CTNNA2: variants seen among roughly 807,000 people sequenced by gnomAD.
CTNNA2 encodes catenin alpha-2.
CTNNA2 carries 42 observed loss-of-function variants against 101.0 expected under a neutral mutation model. The ratio of observed to expected loss-of-function variants is 0.42; its 90% confidence interval spans 0.32 to 0.54. CTNNA2 has a LOEUF of 0.54. CTNNA2 is among the 20% of genes least tolerant of loss of function. The pLI, the probability that CTNNA2 is intolerant of heterozygous loss-of-function variation, is 0.14. For missense variants in CTNNA2, 871 were observed against 1,223.1 expected (o/e 0.71, Z 4.29); for synonymous variants, 450 against 456.4 (o/e 0.99, Z 0.18).
chr2:79,847,044 T>G (rs1473352169), intron 3 of CTNNA2, among the ~76,000 whole-genome samples: 1 of 152,224 alleles, frequency 6.6e-6, no homozygotes, highest in African/African-American at 2.4e-5. Context: ...TTGCTCATTT[T>G]TTAATGTCAG....
intron 2 of CTNNA2, among the ~76,000 whole-genome samples, chr2:79,224,844 G>A (rs535920351): frequency 4.5e-4 from 68 of 150,150 alleles, no homozygotes; most frequent in African/African-American, 9.7e-4. Flanking sequence ...GACTGTTCTC[G>A]GGCTGTATAT....
intron 9 of CTNNA2, among the ~76,000 whole-genome samples, chr2:80,463,878 T>G (rs1684651785): frequency 6.6e-6 from 1 of 152,182 alleles, no homozygotes. Context: ...TTTTACCCAC[T>G]GTCTCAAAGT....
intron 1 of CTNNA2, among the ~76,000 whole-genome samples, chr2:79,190,301 T>G (rs1218902720): frequency 6.6e-6 from 1 of 152,002 alleles, no homozygotes. Flanking sequence ...AGAGGGGAGA[T>G]TATAGGCAGA....
intron 4 of CTNNA2, among the ~76,000 whole-genome samples, chr2:79,476,781 C>G (rs946760241): frequency 3.3e-5 from 5 of 152,166 alleles, no homozygotes; most frequent in African/African-American, 1.2e-4. Flanking sequence ...TTGCTAGCCA[C>G]TCGGTCTCTC....
intron 18 of CTNNA2, among the ~76,000 whole-genome samples, chr2:80,630,672 A>C (rs186124787): frequency 6.6e-6 from 1 of 152,100 alleles, no homozygotes; most frequent in Non-Finnish European, 1.5e-5. Context: ...TTAAAATAAA[A>C]TTTTTACATG....
chr2:80,343,549 G>A (rs959751753), intron 7 of CTNNA2, among the ~76,000 whole-genome samples: 8 of 151,772 alleles, frequency 5.3e-5, no homozygotes, highest in South Asian at 2.1e-4. Flanking sequence ...TGTTTTTATC[G>A]ACTGCCAAGA....
At chr2:80,624,907 T>C (rs1482451418) in intron 18 of CTNNA2, among the ~76,000 whole-genome samples, 1 of 151,914 alleles carries the variant, frequency 6.6e-6, no homozygotes, top group Non-Finnish European at 1.5e-5. Context: ...CTTACAGATA[T>C]CTCTTGCCAA....
Position 80,393,819 on chromosome 2 carries a change from C to T in CTNNA2, c.1137+528C>T, listed in dbSNP as rs543515966. Among the ~76,000 whole-genome samples, 372 of 152,268 alleles carry T rather than the reference C, an allele frequency of 2.4e-3. 1 individual carries two copies. Among genetic ancestry groups the T allele is most frequent in the African/African-American group, 8.7e-3 (362 of 41,546 alleles). The stretch of plus-strand genomic sequence containing the variant: ...CAGGGAATAAAATGGCTAATGACAT[C>T]ATTAGTTTGATGGGTCTATTTTTCT... On this transcript the variant is annotated intron_variant, in intron 8 of 18. Transcript: ENST00000402739.
At chr2:79,259,313 C>A (rs1674890598) in intron 2 of CTNNA2, among the ~76,000 whole-genome samples, 1 of 152,176 alleles carries the variant, frequency 6.6e-6, no homozygotes. Flanking sequence ...CACCTACTTC[C>A]TCAACTTCCA....
intron 1 of CTNNA2, among the ~76,000 whole-genome samples, chr2:79,568,892 G>C (rs1675290316): frequency 6.9e-6 from 1 of 144,792 alleles, no homozygotes; most frequent in Non-Finnish European, 1.5e-5. Context: ...AAAAAAGCCA[G>C]GCATGATGGT....
At chr2:80,472,136 A>G (rs1056739421) in intron 9 of CTNNA2, among the ~76,000 whole-genome samples, 5 of 150,426 alleles carry the variant, frequency 3.3e-5, no homozygotes, top group African/African-American at 1.2e-4. Context: ...AAAAAAGGTT[A>G]GAAAATATGC....
At chr2:79,794,589 A>G (rs1161128484) in intron 3 of CTNNA2, among the ~76,000 whole-genome samples, 5 of 152,122 alleles carry the variant, frequency 3.3e-5, no homozygotes, top group African/African-American at 1.2e-4. Context: ...AAAACTTATC[A>G]TAAGATCTAC....
At chr2:79,673,714 G>GT (rs1683001936) in intron 2 of CTNNA2, among the ~76,000 whole-genome samples, 1 of 152,170 alleles carries the variant, frequency 6.6e-6, no homozygotes, top group African/African-American at 2.4e-5. Flanking sequence ...GAGTGTGTGT[G>GT]TATGTGTGGT....
chr2:80,100,921 C>G (rs1233896599), intron 7 of CTNNA2, among the ~76,000 whole-genome samples: 2 of 152,164 alleles, frequency 1.3e-5, no homozygotes, highest in Non-Finnish European at 2.9e-5. Context: ...AGTTGTCAGT[C>G]TAGGAGTCTG....
At chr2:79,611,669 G>C (rs1304890650) in intron 1 of CTNNA2, among the ~76,000 whole-genome samples, 3 of 152,128 alleles carry the variant, frequency 2.0e-5, no homozygotes, top group Non-Finnish European at 4.4e-5. Flanking sequence ...CTGAGGCAGG[G>C]ATGTTTGAAG....
At chr2:80,523,433 A>C (rs1483382963) in intron 9 of CTNNA2, among the ~76,000 whole-genome samples, 5 of 152,210 alleles carry the variant, frequency 3.3e-5, no homozygotes, top group Non-Finnish European at 1.5e-5. Flanking sequence ...AAGGAGGAAA[A>C]TGTTAGTGAT....
At chr2:80,352,348 G>A (rs937239449) in intron 7 of CTNNA2, among the ~76,000 whole-genome samples, 2 of 152,076 alleles carry the variant, frequency 1.3e-5, no homozygotes, top group African/African-American at 4.8e-5. Context: ...ATTGCCTGAG[G>A]CTAATGTAAT....
intron 7 of CTNNA2, among the ~76,000 whole-genome samples, chr2:80,159,909 T>C (rs1704209442): frequency 6.6e-6 from 1 of 152,210 alleles, no homozygotes. Context: ...TTCCTAGTCC[T>C]AGATCCTAAA....
intron 2 of CTNNA2, among the ~76,000 whole-genome samples, chr2:79,261,969 G>A (rs1453525826): frequency 6.6e-6 from 1 of 152,198 alleles, no homozygotes; most frequent in Non-Finnish European, 1.5e-5. Context: ...GAGGCCATGA[G>A]AGTAGGCTAT....
Sources: gnomAD v4.1 joint callset for allele counts (sites outside exome capture counted in the v4.1 genomes callset) on GRCh38, gnomAD v4.1.1 for gene constraint, MANE v1.5 for transcripts, NCBI Gene and HGNC (gene_info 2026-07-23, HGNC 2026-07-21) for gene names.